Variants in KCNAB1 observed in about 807,000 individuals in gnomAD.
KCNAB1 encodes potassium voltage-gated channel subfamily A regulatory beta subunit 1, also known as voltage-gated potassium channel subunit beta-1.
A neutral mutation model predicts 64.6 loss-of-function variants in KCNAB1; 35 were observed. The observed-to-expected ratio is 0.54, with a 90% CI of 0.41 to 0.72. The LOEUF is 0.72. Among genes scored for constraint, KCNAB1 ranks in the 30% least tolerant of loss-of-function variants. The probability of loss-of-function intolerance (pLI) is 0.00; values close to 1 mark genes in which losing one functional copy is unlikely to be tolerated. For missense variants in KCNAB1, 401 were observed against 512.9 expected (o/e 0.78, Z 2.11); for synonymous variants, 177 against 183.8 (o/e 0.96, Z 0.30).
intron 1 of KCNAB1, among the ~76,000 whole-genome samples, chr3:156,178,988 G>A (rs1378773865): frequency 7.6e-6 from 1 of 131,934 alleles, no homozygotes; most frequent in Non-Finnish European, 1.5e-5. Context: ...GAGACACAGC[G>A]AGACTCCGTC....
At chr3:156,506,693 T>C (rs1019750723) in intron 8 of KCNAB1, among the ~76,000 whole-genome samples, 29 of 152,186 alleles carry the variant, frequency 1.9e-4, no homozygotes, top group Non-Finnish European at 4.4e-5. Context: ...ATGAATTCCT[T>C]TCTAGTCTCT....
At chr3:156,509,526 TC>T (rs566657234) in intron 8 of KCNAB1, among the ~76,000 whole-genome samples, 1 of 152,174 alleles carries the variant, frequency 6.6e-6, no homozygotes, top group Non-Finnish European at 1.5e-5. Context: ...TGCTGGGGCC[TC>T]ACCCCCAAGA....
chr3:156,408,759 G>T (rs1714431779), intron 1 of KCNAB1, among the ~76,000 whole-genome samples: 2 of 151,682 alleles, frequency 1.3e-5, no homozygotes, highest in South Asian at 4.2e-4. Context: ...CAGCCTGGGT[G>T]ACAGAGTGAG....
intron 7 of KCNAB1, among the ~76,000 whole-genome samples, chr3:156,466,628 A>G (rs1299244416): frequency 1.3e-5 from 2 of 152,058 alleles, no homozygotes; most frequent in African/African-American, 4.8e-5. Context: ...TGAGTAGTAT[A>G]CTATACTGTT....
chr3:156,480,823 G>A (rs373608726), intron 8 of KCNAB1, among the ~76,000 whole-genome samples: 1 of 152,050 alleles, frequency 6.6e-6, no homozygotes, highest in Non-Finnish European at 1.5e-5. Flanking sequence ...ACTTGACCAC[G>A]CAGGCTTATA....
At chr3:156,483,451 T>C (rs1298579384) in intron 8 of KCNAB1, among the ~76,000 whole-genome samples, 11 of 152,084 alleles carry the variant, frequency 7.2e-5, no homozygotes, top group Admixed American at 7.2e-4. Flanking sequence ...GTTGTCAATA[T>C]CACCTCTTTC....
At chr3:156,192,873 G>GT (rs1246968972) in intron 1 of KCNAB1, among the ~76,000 whole-genome samples, 2 of 151,946 alleles carry the variant, frequency 1.3e-5, no homozygotes, top group Non-Finnish European at 2.9e-5. Flanking sequence ...ATCTATTTGT[G>GT]TCTTTATAGC....
At chr3:156,489,518 T>A (rs1715486036) in intron 8 of KCNAB1, among the ~76,000 whole-genome samples, 1 of 152,066 alleles carries the variant, frequency 6.6e-6, no homozygotes, top group Admixed American at 6.6e-5. Flanking sequence ...AGAGTTCTGG[T>A]GAAGTAAGAA....
chr3:156,248,389 T>A (rs1267885528), intron 1 of KCNAB1, among the ~76,000 whole-genome samples: 2 of 151,970 alleles, frequency 1.3e-5, no homozygotes, highest in Non-Finnish European at 2.9e-5. Context: ...CTGTAAGACA[T>A]AGCTCTTAAA....
chr3:156,312,729 A>AC (rs1722006021), intron 1 of KCNAB1, among the ~76,000 whole-genome samples: 1 of 150,206 alleles, frequency 6.7e-6, no homozygotes, highest in Non-Finnish European at 1.5e-5. Flanking sequence ...AAAAAAAAAA[A>AC]AACTCATAAT....
At chr3:156,465,298 G>A (rs966548134) in intron 6 of KCNAB1, among the ~76,000 whole-genome samples, 3 of 152,140 alleles carry the variant, frequency 2.0e-5, no homozygotes, top group African/African-American at 7.2e-5. Flanking sequence ...ACAAACCTAT[G>A]TCAAGCCTTT....
chr3:156,118,998 A>G (rs1713203513), upstream of KCNAB1, among the ~76,000 whole-genome samples: 1 of 152,222 alleles, frequency 6.6e-6, no homozygotes, highest in African/African-American at 2.4e-5. Flanking sequence ...GCTAGTTGGT[A>G]TCAGTTGCCT....
At chr3:156,256,237 C>A (rs1420385980) in intron 1 of KCNAB1, among the ~76,000 whole-genome samples, 2 of 152,208 alleles carry the variant, frequency 1.3e-5, no homozygotes, top group Non-Finnish European at 2.9e-5. Flanking sequence ...TAAGACAATG[C>A]TCCCAGAAAT....
intron 1 of KCNAB1, among the ~76,000 whole-genome samples, chr3:156,280,085 G>A (rs1439744489): frequency 6.8e-6 from 1 of 146,624 alleles, no homozygotes; most frequent in Non-Finnish European, 1.5e-5. Context: ...TTCTTCTAGG[G>A]TTTTTATGGT....
chr3:156,316,696 G>A (rs935327461), intron 1 of KCNAB1, among the ~76,000 whole-genome samples: 2 of 152,224 alleles, frequency 1.3e-5, no homozygotes, highest in Non-Finnish European at 2.9e-5. Context: ...GGTGGTGCCT[G>A]TGGAAGAGGG....
At chr3:156,346,685 CT>C (rs1225373165) in intron 1 of KCNAB1, among the ~76,000 whole-genome samples, 4 of 152,148 alleles carry the variant, frequency 2.6e-5, no homozygotes, top group Admixed American at 2.6e-4. Context: ...CATAAATTGT[CT>C]TATTCGTAAT....
intron 1 of KCNAB1, among the ~76,000 whole-genome samples, chr3:156,335,853 GT>G (rs4056366): frequency 0.06 from 8,060 of 135,212 alleles, 203 homozygotes; most frequent in Non-Finnish European, 0.07. Context: ...AATTGTTTGG[GT>G]TTTTTTTTTT....
At chr3:156,298,120 G>A (rs569964135) in intron 1 of KCNAB1, among the ~76,000 whole-genome samples, 2 of 152,302 alleles carry the variant, frequency 1.3e-5, no homozygotes, top group South Asian at 4.1e-4. Context: ...CAATCTCATA[G>A]AGTTTATTCC....
At chr3:156,425,022 G>C (rs897816191) in intron 2 of KCNAB1, among the ~76,000 whole-genome samples, 1 of 152,166 alleles carries the variant, frequency 6.6e-6, no homozygotes, top group African/African-American at 2.4e-5. Flanking sequence ...GCCTCTATAA[G>C]CCAGAGGAGA....
Sources: allele counts gnomAD v4.1 joint callset (sites outside exome capture counted in the v4.1 genomes callset), GRCh38; gene constraint gnomAD v4.1.1; transcripts MANE v1.5; gene names NCBI Gene and HGNC (gene_info 2026-07-23, HGNC 2026-07-21).